Variants in RORA observed in about 807,000 individuals in gnomAD.
The protein encoded by RORA is RAR related orphan receptor A.
Under a neutral mutation model 69.5 loss-of-function variants are expected in RORA, and 7 were observed. That is an observed-to-expected ratio of 0.10 (90% confidence interval 0.06 to 0.19). RORA has a LOEUF of 0.19. Ranked by LOEUF, RORA falls within the 10% of genes least tolerant of loss-of-function variation. RORA has a pLI of 1.00. For synonymous variants in RORA, 261 were observed against 240.8 expected, an observed-to-expected ratio of 1.08 and a Z score of -0.78; for missense variants, 457 against 663.0, an observed-to-expected ratio of 0.69 and a Z score of 3.41.
intron 1 of RORA, among the ~76,000 whole-genome samples, chr15:61,056,046 C>A (rs780411835): frequency 6.6e-6 from 1 of 152,078 alleles, no homozygotes; most frequent in Non-Finnish European, 1.5e-5. Context: ...AGCTATCAAC[C>A]CAAATTCATA....
rs537881529 is a variant in RORA, at chr15:60,641,032, A to C, written c.196+37625T>G. 3.9e-5 allele frequency among the ~76,000 whole-genome samples: 6 copies of C among 152,266 alleles called. No individual in the cohort carries two copies. In the South Asian group the frequency reaches 1.2e-3, roughly 32 times the overall value. On this transcript the variant is annotated intron_variant, in intron 2 of 10. Coordinates refer to ENST00000335670, the MANE Select transcript of RORA (RefSeq NM_134261.3). ...CAGTGGCGTGATCTCAGCTCACTGT[A>C]GCCTTGACCTCCTGGGCTCAAGCCA...
rs139311964 is a variant in RORA, at chr15:60,813,214, G to A, written c.167-134528C>T. On this transcript the variant is annotated intron_variant, in intron 1 of 10. Transcript: ENST00000335670. ...CCTCACGGCCCCAACCCAGGAATGA[G>A]GGGACTGGGAAATACCATATCCTCT... Among the ~76,000 whole-genome samples the A allele has an allele frequency of 4.4e-3, 671 of 152,304 alleles. 2 individuals are homozygous for A. Among genetic ancestry groups the A allele is most frequent in the Admixed American group, 6.3e-3 (97 of 15,302 alleles).
intron 1 of RORA, among the ~76,000 whole-genome samples, chr15:60,992,519 C>A (rs1014559978): frequency 2.0e-5 from 3 of 152,166 alleles, no homozygotes; most frequent in East Asian, 1.9e-4. Context: ...ATCTTCCTAT[C>A]CCCCACAAGT....
chr15:61,136,749 A>G (rs1224005355), intron 1 of RORA, among the ~76,000 whole-genome samples: 1 of 152,208 alleles, frequency 6.6e-6, no homozygotes, highest in East Asian at 1.9e-4. Flanking sequence ...AATGATGGCA[A>G]TTATAACACA....
intron 1 of RORA, among the ~76,000 whole-genome samples, chr15:61,153,823 T>A (rs1349175166): frequency 2.0e-5 from 3 of 152,168 alleles, no homozygotes; most frequent in African/African-American, 7.2e-5. Flanking sequence ...AAAGTTGTTA[T>A]GCAAGGGCAC....
intron 1 of RORA, among the ~76,000 whole-genome samples, chr15:61,072,244 A>C (rs990073372): frequency 3.3e-5 from 5 of 152,254 alleles, no homozygotes; most frequent in Non-Finnish European, 5.9e-5. Flanking sequence ...TTATGAGAAG[A>C]CATCATTACC....
rs573627095 is a variant in RORA at position 60,941,775 on chromosome 15, A to G, written c.167-263089T>C. Among the ~76,000 whole-genome samples, 7 of 152,232 alleles carry G rather than the reference A, an allele frequency of 4.6e-5. No individual in the cohort carries two copies. The South Asian group carries it at 1.5e-3, about 32-fold the overall frequency. On this transcript the variant is annotated intron_variant, in intron 1 of 10. Coordinates refer to ENST00000335670, the MANE Select transcript of RORA (RefSeq NM_134261.3). Reference sequence around the variant, plus strand: ...AGCAACCCAAGACCTCCCTCTCCTCACTGATCTATCTTTTTCATCTCTTCA... The same window carrying G: ...AGCAACCCAAGACCTCCCTCTCCTCGCTGATCTATCTTTTTCATCTCTTCA...
chr15:61,219,253 A>G (rs1362145770), intron 1 of RORA, among the ~76,000 whole-genome samples: 1 of 152,222 alleles, frequency 6.6e-6, no homozygotes, highest in Non-Finnish European at 1.5e-5. Context: ...TCTACTGCCT[A>G]ATGCTAGATC....
chr15:60,994,653 T>C (rs1352010928), intron 1 of RORA, among the ~76,000 whole-genome samples: 2 of 152,210 alleles, frequency 1.3e-5, no homozygotes, highest in African/African-American at 4.8e-5. Context: ...AGCCCAGGAA[T>C]AGCGGAATGC....
intron 1 of RORA, among the ~76,000 whole-genome samples, chr15:60,713,646 C>T (rs1433185280): frequency 3.9e-5 from 6 of 152,164 alleles, no homozygotes; most frequent in Non-Finnish European, 7.3e-5. Context: ...ATGTAATATC[C>T]TCAGACTGTC....
At chr15:60,585,136 C>T (rs1472247519) in intron 2 of RORA, among the ~76,000 whole-genome samples, 16 of 152,134 alleles carry the variant, frequency 1.1e-4, no homozygotes, top group Admixed American at 7.2e-4. Context: ...CATTCTTATA[C>T]CTCTGTGTAG....
At chr15:60,765,283 A>T (rs924885547) in intron 1 of RORA, 2 of 151,934 alleles carry the variant, frequency 1.3e-5, no homozygotes, top group Non-Finnish European at 2.9e-5. Flanking sequence ...CCCCCACCAA[A>T]CCGAATGAAA....
intron 1 of RORA, among the ~76,000 whole-genome samples, chr15:60,754,676 A>T (rs1466376373): frequency 6.6e-6 from 1 of 152,160 alleles, no homozygotes; most frequent in Non-Finnish European, 1.5e-5. Flanking sequence ...ACCTCCTCTG[A>T]ATTTCCAAAT....
chr15:61,018,006 C>T (rs1895364997), intron 1 of RORA, among the ~76,000 whole-genome samples: 1 of 152,212 alleles, frequency 6.6e-6, no homozygotes. Flanking sequence ...ACCTACATGA[C>T]ATAAGCTCTT....
chr15:61,161,447 T>C (rs1269178889), intron 1 of RORA, among the ~76,000 whole-genome samples: 1 of 152,158 alleles, frequency 6.6e-6, no homozygotes, highest in Non-Finnish European at 1.5e-5. Flanking sequence ...CTGAGCTCAG[T>C]TTTGTCTTCT....
At chr15:60,499,085 A>T (rs1430721596) in intron 10 of RORA, among the ~76,000 whole-genome samples, 1 of 152,196 alleles carries the variant, frequency 6.6e-6, no homozygotes, top group East Asian at 1.9e-4. Flanking sequence ...ATGAAACCTT[A>T]TGCTTTGAAT....
chr15:60,711,368 A>C (rs1371881334), intron 1 of RORA, among the ~76,000 whole-genome samples: 1 of 152,202 alleles, frequency 6.6e-6, no homozygotes, highest in Non-Finnish European at 1.5e-5. Flanking sequence ...ACAGGTAATC[A>C]ATACATATTT....
rs539547813 is a variant in RORA at position 61,111,538 on chromosome 15, T to A, written c.166+117515A>T. Among the ~76,000 whole-genome samples the A allele has an allele frequency of 3.0e-4, 46 of 152,350 alleles. No individual in the cohort carries two copies. The South Asian group carries it at 8.9e-3, about 29-fold the overall frequency. ...TATACATATAAGTATATAATATCTT[T>A]CTTCTGCTCTCTAATTTGCAATTAT... On this transcript the variant is annotated intron_variant, in intron 1 of 10. Coordinates refer to ENST00000335670, the MANE Select transcript of RORA (RefSeq NM_134261.3).
At chr15:60,755,801 G>C (rs1451516177) in intron 1 of RORA, among the ~76,000 whole-genome samples, 1 of 152,134 alleles carries the variant, frequency 6.6e-6, no homozygotes, top group Non-Finnish European at 1.5e-5. Flanking sequence ...TCTCCTGTTT[G>C]TTCCCTCTCT....
Sources: gnomAD v4.1 joint callset for allele counts (sites outside exome capture counted in the v4.1 genomes callset) on GRCh38, gnomAD v4.1.1 for gene constraint, MANE v1.5 for transcripts, NCBI Gene and HGNC (gene_info 2026-07-23, HGNC 2026-07-21) for gene names.